The following FRY variants were observed in gnomAD, a reference collection of about 807,000 sequenced individuals.
FRY encodes the protein protein furry homolog.
A neutral mutation model predicts 348.4 loss-of-function variants in FRY; 128 were observed. The ratio of observed to expected loss-of-function variants is 0.37; its 90% CI spans 0.32 to 0.43. FRY has a LOEUF of 0.43. Ranked by LOEUF, FRY falls within the 20% of genes least tolerant of loss-of-function variation. The pLI is 1.00. For missense variants in FRY, 2,736 were observed against 3,695.2 expected, an observed-to-expected ratio of 0.74 and a Z score of 6.73; for synonymous variants, 1,370 against 1,374.7, an observed-to-expected ratio of 1.00 and a Z score of 0.08.
chr13:32,198,169 A>G (rs1280743913), intron 29 of FRY, among the ~76,000 whole-genome samples: 1 of 152,210 alleles, frequency 6.6e-6, no homozygotes, highest in Non-Finnish European at 1.5e-5. Flanking sequence ...CAACAACAAA[A>G]TAAATGCTCT....
intron 57 of FRY, 88 bp downstream of exon 57, chr13:32,276,650 C>G (rs941270878): frequency 2.8e-5 from 22 of 782,368 alleles, no homozygotes; most frequent in Non-Finnish European, 4.9e-5. Flanking sequence ...TTGTGATTAA[C>G]TTAAGACTTT....
intron 1 of FRY, among the ~76,000 whole-genome samples, chr13:32,043,643 G>T (rs1453990852): frequency 6.6e-6 from 1 of 152,160 alleles, no homozygotes; most frequent in Non-Finnish European, 1.5e-5. Context: ...TGAACCTCTA[G>T]TGGGAGTAGA....
intron 36 of FRY, among the ~76,000 whole-genome samples, chr13:32,222,653 T>C (rs1427499872): frequency 1.3e-5 from 2 of 152,214 alleles, no homozygotes; most frequent in African/African-American, 2.4e-5. Flanking sequence ...AGAACAGTGC[T>C]CAGATTCTGG....
intron 53 of FRY, among the ~76,000 whole-genome samples, chr13:32,263,469 A>G (rs900849585): frequency 2.6e-5 from 4 of 152,192 alleles, no homozygotes; most frequent in Non-Finnish European, 4.4e-5. Context: ...AGATTGCCTC[A>G]TTGCAAAGGT....
intron 11 of FRY, among the ~76,000 whole-genome samples, chr13:32,144,089 GA>G: frequency 6.6e-6 from 1 of 152,002 alleles, no homozygotes; most frequent in South Asian, 2.1e-4. Flanking sequence ...CGAGTAGTCA[GA>G]ATTTCTGAAA....
At chr13:32,234,489 GC>G in intron 41 of FRY, 84 bp from the exon 42 acceptor site, 1 of 1,159,692 alleles carries the variant, frequency 8.6e-7, no homozygotes, top group South Asian at 1.2e-5. Flanking sequence ...TGTGCCGTTA[GC>G]CTGTTTTAAA....
chr13:32,041,168 T>C (rs1240889207), intron 1 of FRY, among the ~76,000 whole-genome samples: 1 of 152,150 alleles, frequency 6.6e-6, no homozygotes, highest in African/African-American at 2.4e-5. Context: ...ACTTTTAGTT[T>C]ATGAACACTA....
intron 1 of FRY, among the ~76,000 whole-genome samples, chr13:32,069,777 A>C (rs535631294): frequency 1.1e-3 from 171 of 152,340 alleles, no homozygotes; most frequent in African/African-American, 4.0e-3. Context: ...GGTTTGTTAC[A>C]TAGGTATACA....
chr13:32,182,670 T>TTTTG (rs372734864), intron 23 of FRY, among the ~76,000 whole-genome samples: 2 of 152,222 alleles, frequency 1.3e-5, no homozygotes, highest in Non-Finnish European at 2.9e-5. Context: ...GGTTTTGTTT[T>TTTTG]TTTGTTTGTT....
chr13:32,280,237 A>G (rs949256088), intron 58 of FRY, among the ~76,000 whole-genome samples: 4 of 152,314 alleles, frequency 2.6e-5, no homozygotes, highest in Middle Eastern at 3.4e-3. Flanking sequence ...ACTAGTTTGC[A>G]TATATTTTTA....
chr13:32,099,345 C>G (rs1876996622), intron 2 of FRY, among the ~76,000 whole-genome samples: 2 of 151,678 alleles, frequency 1.3e-5, no homozygotes, highest in Non-Finnish European at 2.9e-5. Context: ...CACACACATA[C>G]ATACACACAC....
At chr13:32,062,226 T>C (rs1873984387) in intron 1 of FRY, among the ~76,000 whole-genome samples, 1 of 151,658 alleles carries the variant, frequency 6.6e-6, no homozygotes, top group African/African-American at 2.4e-5. Context: ...ACAAGATAAA[T>C]GATTAAATTT....
At chr13:32,154,867 G>C (rs1370023600) in intron 14 of FRY, among the ~76,000 whole-genome samples, 2 of 152,090 alleles carry the variant, frequency 1.3e-5, no homozygotes, top group Admixed American at 1.3e-4. Context: ...CATCTTTCAG[G>C]GCCAAAGTTG....
intron 20 of FRY, 145 bp downstream of exon 20, chr13:32,175,777 TTTTTCAGATGTTAA>T: frequency 1.5e-6 from 1 of 652,140 alleles, no homozygotes; most frequent in South Asian, 1.7e-5. Context: ...ATAAGACTAG[TTTTTCAGATGTTAA>T]TTTAAGAGAC....
chr13:32,154,910 G>A (rs1390209396), intron 14 of FRY, among the ~76,000 whole-genome samples: 11 of 152,072 alleles, frequency 7.2e-5, no homozygotes, highest in African/African-American at 2.7e-4. Context: ...GATCAATCTG[G>A]CCCACAATCA....
chr13:32,123,053 A>G (rs1449423512), intron 4 of FRY, among the ~76,000 whole-genome samples: 2 of 152,218 alleles, frequency 1.3e-5, no homozygotes, highest in East Asian at 3.8e-4. Context: ...ACACAAACAA[A>G]TGGAAACATA....
rs576465006 is a variant in FRY at position 32,046,813 on chromosome 13, T to C, written c.70+14948T>C. On this transcript the variant is annotated intron_variant, in intron 1 of 60. Coordinates refer to ENST00000542859, the MANE Select transcript of FRY (RefSeq NM_023037.3). ...TCTCTTTTTAAATTTTTCTGCCTTT[T>C]TGACCACGAGATTCATTAATTTTTA... Among the ~76,000 whole-genome samples, 5 of 152,370 alleles carry C rather than the reference T, an allele frequency of 3.3e-5. 1 individual carries two copies. In the East Asian group the frequency reaches 9.6e-4, roughly 29 times the overall value.
chr13:32,155,713 A>G (rs772725085), intron 15 of FRY, 51 bp downstream of exon 15: 1 of 1,271,436 alleles, frequency 7.9e-7, no homozygotes, highest in Non-Finnish European at 1.1e-6. Context: ...CCTTAAAATG[A>G]CCAGTAGATA....
rs375781696 is a variant in FRY at position 32,237,373 on chromosome 13, A to G, written c.5811-6A>G. ...TCCTATTAAACTTATTTATTTTTAT[A>G]CCCAGCTCTTCCTCACCAGATTTAA... On this transcript the variant is annotated splice_polypyrimidine_tract_variant and splice_region_variant and intron_variant, in intron 43 of 60. Coordinates refer to ENST00000542859, the MANE Select transcript of FRY (RefSeq NM_023037.3). This position sits in a 1 kb window ranked among gnomAD's most constrained non-coding sequence, Gnocchi z 6.3. 14 of 1,613,694 alleles carry G rather than the reference A, an allele frequency of 8.7e-6. No individual in the cohort carries two copies. The highest frequency in any genetic ancestry group is 6.7e-5 in the African/African-American group (5 of 74,992).
Sources: allele counts gnomAD v4.1 joint callset (sites outside exome capture counted in the v4.1 genomes callset), GRCh38; gene constraint gnomAD v4.1.1; non-coding constraint Gnocchi (gnomAD v3.1); transcripts MANE v1.5; gene names NCBI Gene and HGNC (gene_info 2026-07-23, HGNC 2026-07-21).